The following CACNA1D variants were observed in gnomAD, a reference collection of about 807,000 sequenced individuals.
CACNA1D encodes the protein calcium voltage-gated channel subunit alpha1 D.
CACNA1D carries 55 observed loss-of-function variants against 257.1 expected under a neutral mutation model. That is an observed-to-expected ratio of 0.21 (90% CI 0.17 to 0.27). The LOEUF is 0.27. Ranked by LOEUF, CACNA1D falls within the 10% of genes least tolerant of loss-of-function variation. The pLI, the probability that CACNA1D is intolerant of heterozygous loss-of-function variation, is 1.00. For missense variants in CACNA1D, 1,876 were observed against 2,784.0 expected, an observed-to-expected ratio of 0.67 and a Z score of 7.34; for synonymous variants, 980 against 1,014.9, an observed-to-expected ratio of 0.97 and a Z score of 0.65.
chr3:53,747,195 T>C (rs913355181), intron 25 of CACNA1D, 107 bp from the exon 26 acceptor site: 1 of 842,510 alleles, frequency 1.2e-6, no homozygotes, highest in Non-Finnish European at 1.9e-6. Flanking sequence ...GCGGGCGGAC[T>C]GAGTGTGACC....
At chr3:53,536,869 C>G (rs1309596136) in intron 3 of CACNA1D, among the ~76,000 whole-genome samples, 1 of 152,198 alleles carries the variant, frequency 6.6e-6, no homozygotes, top group Non-Finnish European at 1.5e-5. Flanking sequence ...GTTTGCCAAT[C>G]TTTGGTCTAG....
chr3:53,665,830 T>C lies in CACNA1D; in HGVS notation c.919+18T>C. On this transcript the variant is annotated intron_variant, in intron 6 of 47. Transcript: ENST00000350061. ...TGACTCAGGTGAGTAATGAGAATTG[T>C]AGCTAACTTAACTTTAAAATTTTTT... 6.2e-7 allele frequency: 1 copy of C among 1,605,740 alleles called. No individual in the cohort carries two copies. The highest frequency in any genetic ancestry group is 8.5e-7 in the Non-Finnish European group (1 of 1,174,304).
chr3:53,638,175 A>G (rs1206110210), intron 3 of CACNA1D, among the ~76,000 whole-genome samples: 5 of 152,188 alleles, frequency 3.3e-5, no homozygotes, highest in Non-Finnish European at 4.4e-5. Context: ...GAGTTGGGGT[A>G]AGATTGGGCC....
chr3:53,811,631 G>C lies in CACNA1D; in HGVS notation c.*225G>C. 1 of 455,228 alleles carries C rather than the reference G, an allele frequency of 2.2e-6. No individual in the cohort carries two copies. The highest frequency in any genetic ancestry group is 3.8e-5 in the South Asian group (1 of 26,532). The allele number at this position is 455,228 out of a possible 1,614,324, so 28.2% of individuals were successfully genotyped here. ...TACCATGCGCTCGGCCCCAGCTGCA[G>C]GAAACAGCAGGCCCCGCCCTCTCAC... On this transcript the variant is annotated 3_prime_UTR_variant, in exon 48 of 48. Transcript: ENST00000350061. This position sits in a 1 kb window ranked among gnomAD's most constrained non-coding sequence, Gnocchi z 4.2.
In CACNA1D at chr3:53,667,841, A is replaced by ATGTGTG. The variant is rs61605595; in HGVS notation, c.1116+1318_1116+1323dup. ...TGTGAGTGTGTGTGTGTGTGTATGC[A>ATGTGTG]TGTGTGTGTGTGTGTGTATGCACAT... is the stretch of plus-strand genomic sequence containing the variant. On this transcript the variant is annotated intron_variant, in intron 7 of 47. Coordinates refer to ENST00000350061, the MANE Select transcript of CACNA1D (RefSeq NM_001128840.3). Among the ~76,000 whole-genome samples, 590 of 150,006 alleles carry ATGTGTG rather than the reference A, an allele frequency of 3.9e-3. 5 individuals carry two copies. The highest frequency in any genetic ancestry group is 0.022 in the South Asian group (105 of 4,718).
intron 2 of CACNA1D, among the ~76,000 whole-genome samples, chr3:53,500,450 AT>A (rs1238536476): frequency 2.8e-5 from 4 of 144,956 alleles, no homozygotes; most frequent in Admixed American, 6.9e-5. Context: ...AAAAAAAAAA[AT>A]GATATCTCTA....
At chr3:53,806,264 G>A (rs1051008505) in intron 45 of CACNA1D, among the ~76,000 whole-genome samples, 3 of 139,562 alleles carry the variant, frequency 2.1e-5, no homozygotes, top group Non-Finnish European at 4.6e-5. Flanking sequence ...CACTTTCTCT[G>A]CTTCTCCCTC....
chr3:53,688,352 C>T (rs1369749079), intron 8 of CACNA1D, among the ~76,000 whole-genome samples: 3 of 152,164 alleles, frequency 2.0e-5, no homozygotes, highest in Non-Finnish European at 4.4e-5. Context: ...AGTGCTGGCC[C>T]GTGTGCTTGC....
intron 29 of CACNA1D, among the ~76,000 whole-genome samples, chr3:53,760,792 G>C (rs748289330): frequency 6.6e-6 from 1 of 152,196 alleles, no homozygotes; most frequent in Non-Finnish European, 1.5e-5. Flanking sequence ...AGACAAAGCT[G>C]GATGACAGGC....
intron 3 of CACNA1D, among the ~76,000 whole-genome samples, chr3:53,542,193 C>CA (rs1424961972): frequency 6.8e-6 from 1 of 146,476 alleles, no homozygotes; most frequent in Non-Finnish European, 1.5e-5. Flanking sequence ...TAAAAACAAG[C>CA]AAAAAATGCA....
intron 3 of CACNA1D, among the ~76,000 whole-genome samples, chr3:53,517,894 A>C (rs537718414): frequency 1.0e-3 from 153 of 152,366 alleles, no homozygotes; most frequent in African/African-American, 3.5e-3. Flanking sequence ...CTCATAATGG[A>C]TAGGCCTGTA....
intron 6 of CACNA1D, among the ~76,000 whole-genome samples, 164 bp downstream of exon 6, chr3:53,665,976 G>A (rs2094257727): frequency 1.3e-5 from 2 of 152,280 alleles, no homozygotes; most frequent in South Asian, 4.1e-4. Context: ...GTTCAGAATA[G>A]ATGAGAATTC....
chr3:53,733,929 TTTGTGTG>T (rs2095026589), intron 19 of CACNA1D, among the ~76,000 whole-genome samples: 2 of 84,386 alleles, frequency 2.4e-5, no homozygotes. Context: ...TGTGTGTGTG[TTTGTGTG>T]TGTGTGTGTG....
intron 25 of CACNA1D, among the ~76,000 whole-genome samples, chr3:53,746,967 A>G (rs17053459): frequency 0.038 from 5,779 of 152,154 alleles, 175 homozygotes; most frequent in East Asian, 0.096. Flanking sequence ...CTGAGCTTTG[A>G]TCCTTCAGAG....
chr3:53,569,789 T>C (rs929084873), intron 3 of CACNA1D, among the ~76,000 whole-genome samples: 2 of 152,374 alleles, frequency 1.3e-5, no homozygotes, highest in African/African-American at 4.8e-5. Context: ...TAGAGCCAGA[T>C]ACTTCTGAGT....
intron 9 of CACNA1D, among the ~76,000 whole-genome samples, chr3:53,715,164 G>T (rs1000244841): frequency 2.0e-4 from 31 of 152,276 alleles, no homozygotes; most frequent in African/African-American, 7.2e-4. Flanking sequence ...AGATTTAGGG[G>T]CTGGATCAAG....
At chr3:53,622,152 G>A (rs2093703800) in intron 3 of CACNA1D, among the ~76,000 whole-genome samples, 1 of 152,102 alleles carries the variant, frequency 6.6e-6, no homozygotes, top group African/African-American at 2.4e-5. Context: ...CTGGGTTCAG[G>A]TGAATCTCCT....
intron 3 of CACNA1D, among the ~76,000 whole-genome samples, chr3:53,587,835 T>C (rs1290678066): frequency 1.3e-5 from 2 of 152,202 alleles, no homozygotes; most frequent in African/African-American, 4.8e-5. Flanking sequence ...TGGTAGGTAA[T>C]TGGAACCAAC....
In CACNA1D at chr3:53,746,236, T is replaced by C. The variant is rs556478274; in HGVS notation, c.3167+361T>C. Among the ~76,000 whole-genome samples the C allele has an allele frequency of 6.6e-5, 10 of 152,296 alleles. No homozygotes were observed. In the South Asian group the frequency reaches 2.1e-3, roughly 32 times the overall value. On this transcript the variant is annotated intron_variant, in intron 25 of 47. Transcript: ENST00000350061. ...AATAACAATTATGAAATGCCCCAAA[T>C]AGCTTCCATGACAGCCATGTGGATG...
Sources: allele counts gnomAD v4.1 joint callset (sites outside exome capture counted in the v4.1 genomes callset), GRCh38; gene constraint gnomAD v4.1.1; non-coding constraint Gnocchi (gnomAD v3.1); transcripts MANE v1.5; gene names NCBI Gene and HGNC (gene_info 2026-07-23, HGNC 2026-07-21).